Variants in CIZ1 observed in about 807,000 individuals in gnomAD.
CIZ1 encodes the protein CDKN1A interacting zinc finger protein 1, also known as cip1-interacting zinc finger protein.
CIZ1 carries 58 observed loss-of-function variants against 118.6 expected under a neutral mutation model. The observed-to-expected ratio is 0.49, with a 90% confidence interval of 0.40 to 0.61. The LOEUF (loss-of-function observed/expected upper bound fraction) is 0.61, where lower values mean the gene tolerates loss of function less well. Ranked by LOEUF, CIZ1 falls within the 20% of genes least tolerant of loss-of-function variation. The probability of loss-of-function intolerance (pLI) is 0.00; values close to 1 mark genes in which losing one functional copy is unlikely to be tolerated. For missense variants in CIZ1, 921 were observed against 1,115.9 expected (o/e 0.83, Z 2.49); for synonymous variants, 448 against 443.4 (o/e 1.01, Z -0.13).
At chr9:128,199,183 C>T (rs1368569273) in intron 1 of CIZ1, among the ~76,000 whole-genome samples, 2 of 152,054 alleles carry the variant, frequency 1.3e-5, no homozygotes, top group Non-Finnish European at 2.9e-5. Flanking sequence ...GCCTGGCCAA[C>T]ATGGTGAAAC....
Position 128,177,546 on chromosome 9 carries a change from C to CCAAAAAACAGGA in CIZ1, c.1818+19_1818+20insTCCTGTTTTTTG. The CCAAAAAACAGGA allele has an allele frequency of 1.5e-6, 2 of 1,353,452 alleles. No homozygotes were observed. Among genetic ancestry groups the CCAAAAAACAGGA allele is most frequent in the East Asian group, 2.6e-5 (1 of 37,800 alleles). The allele number at this position is 1,353,452 out of a possible 1,614,324, so 83.8% of individuals were successfully genotyped here. A position where few individuals can be genotyped will look rare whatever the true frequency, so the allele number is the denominator to read the frequency against. ...CACGCAGGCCCCACCCCTCCCCACC[C>CCAAAAAACAGGA]TTATCTCCTGTATCAGTACCTGCTG... On this transcript the variant is annotated intron_variant, in intron 10 of 16. Coordinates refer to ENST00000372938, the MANE Select transcript of CIZ1 (RefSeq NM_001131016.2).
chr9:128,196,547 C>CAAA (rs961649187), upstream of CIZ1, among the ~76,000 whole-genome samples: 1 of 96,966 alleles, frequency 1.0e-5, no homozygotes, highest in African/African-American at 3.9e-5. Context: ...GACCCTGTCT[C>CAAA]AAAAAAAAAA....
chr9:128,168,163 G>T (rs1829670182), intron 14 of CIZ1, among the ~76,000 whole-genome samples: 1 of 152,188 alleles, frequency 6.6e-6, no homozygotes, highest in African/African-American at 2.4e-5. Flanking sequence ...GCCCTCATGG[G>T]TCCCTGCTTC....
intron 3 of CIZ1, among the ~76,000 whole-genome samples, chr9:128,189,473 G>C (rs1345916531): frequency 6.6e-6 from 1 of 152,092 alleles, no homozygotes; most frequent in Non-Finnish European, 1.5e-5. Flanking sequence ...TTCTTCATTT[G>C]TAAAATGGGA....
chr9:128,176,801 G>C (rs1013567687), intron 10 of CIZ1, among the ~76,000 whole-genome samples: 1 of 152,134 alleles, frequency 6.6e-6, no homozygotes, highest in Non-Finnish European at 1.5e-5. Context: ...AGTACAATGC[G>C]ATCATGATTA....
Position 128,187,907 on chromosome 9 carries a change from G to A in CIZ1, c.314C>T (p.Ala105Val). 1 of 757,602 alleles carries A rather than the reference G, an allele frequency of 1.3e-6. No homozygotes were observed. The highest frequency in any genetic ancestry group is 2.5e-6 in the Non-Finnish European group (1 of 405,872). The allele number at this position is 757,602 out of a possible 1,614,324, so 46.9% of individuals were successfully genotyped here. ...GGTGAGACCGGCAGTGTCATACGTG[G>A]CTGGTGGCATTGCAAACTGGTCCAG... ...QGLDQFAMPP[A>V]TYDTAGLTMP... is the part of the protein sequence containing the mutation. Residue 105 changes from alanine (A) to valine (V), a missense_variant, in exon 4 of 17, where the codon GCC (alanine) becomes GTC (valine). Ala to Val is a moderately conservative substitution (Grantham distance 64). Coordinates refer to ENST00000372938, the MANE Select transcript of CIZ1 (RefSeq NM_001131016.2).
rs771006811 is a variant in CIZ1, at chr9:128,185,759, C to A, written c.376G>T (p.Gly126Cys). ...GCTGCGAGGCCTGGGGATGCCATGC[C>A]ATAGCCTCGGAGGTTACCTGCAGGC... Reference protein sequence around the residue: ...TATLGNLRGYGMASPGLAAPS... With the variant: ...TATLGNLRGYCMASPGLAAPS... The change falls in exon 5 of 17, where the codon GGC (glycine) becomes TGC (cysteine). Residue 126 changes from glycine (G) to cysteine (C), a missense_variant. Coordinates refer to ENST00000372938, the MANE Select transcript of CIZ1 (RefSeq NM_001131016.2). The A allele has an allele frequency of 2.5e-6, 4 of 1,613,466 alleles. No individual in the cohort carries two copies. The highest frequency in any genetic ancestry group is 3.4e-6 in the Non-Finnish European group (4 of 1,179,758).
At position 128,166,211 on chromosome 9, in the gene CIZ1, G is replaced by A. The variant is rs756099972; in HGVS notation, c.2683C>T (p.Arg895Cys). ...SQPPLPRRST[R>C]LKT is the part of the protein sequence containing the mutation. ...AGGTCCCTCTATCAGGTTTTGAGGC[G>A]GGTTGAGCGCCGAGGTAGTGGGGGC... The change falls in exon 17 of 17, where the codon CGC (arginine) becomes TGC (cysteine). Residue 895 changes from arginine (R) to cysteine (C), a missense_variant. Arg to Cys is a radical substitution (Grantham distance 180). Coordinates refer to ENST00000372938, the MANE Select transcript of CIZ1 (RefSeq NM_001131016.2). This position sits in a 1 kb window ranked among gnomAD's most constrained non-coding sequence, Gnocchi z 4.4. The A allele has an allele frequency of 7.4e-6, 11 of 1,487,536 alleles. No homozygotes were observed. Among genetic ancestry groups the A allele is most frequent in the Non-Finnish European group, 9.0e-6 (10 of 1,109,856 alleles). The allele number at this position is 1,487,536 out of a possible 1,614,324, so 92.1% of individuals were successfully genotyped here.
Position 128,185,601 on chromosome 9 carries a change from T to C in CIZ1, c.534A>G (p.Gly178=). The change falls in exon 5 of 17, where the codon GGA becomes GGG. Residue 178 remains glycine (G), a synonymous_variant. Coordinates refer to ENST00000372938, the MANE Select transcript of CIZ1 (RefSeq NM_001131016.2). ...TCCGGGCCTGTTTCTGGGGGTTCCGTCCTGAAAGGTTGAACTGGGAAGGGT... is the reference window on the plus strand; with the variant it reads ...TCCGGGCCTGTTTCTGGGGGTTCCGCCCTGAAAGGTTGAACTGGGAAGGGT... ...PMNPSQFNLS[G]RNPQKQARTS... is the part of the protein sequence containing the mutation. 2.6e-6 allele frequency: 4 copies of C among 1,540,344 alleles called. No homozygotes were observed. In the South Asian group the frequency reaches 3.8e-5, roughly 15 times the overall value.
At chr9:128,188,551 A>C (rs1588247212) in intron 3 of CIZ1, among the ~76,000 whole-genome samples, 2 of 152,146 alleles carry the variant, frequency 1.3e-5, no homozygotes, top group Non-Finnish European at 2.9e-5. Context: ...GGCCTCAAGC[A>C]AATCTCCTGT....
Position 128,178,831 on chromosome 9 carries a change from T to A in CIZ1, c.1376A>T (p.Glu459Val). The A allele has an allele frequency of 6.2e-7, 1 of 1,614,182 alleles. No individual in the cohort carries two copies. Among genetic ancestry groups the A allele is most frequent in the Non-Finnish European group, 8.5e-7 (1 of 1,180,026 alleles). The change falls in exon 8 of 17, where the codon GAG (glutamate) becomes GTG (valine). Residue 459 changes from glutamate to valine, a missense_variant. By Grantham distance (121) the Glu-to-Val change is moderately radical. Coordinates refer to ENST00000372938, the MANE Select transcript of CIZ1 (RefSeq NM_001131016.2). ...GGTGTGAGGCTGCTCATGGGTCTGC[T>A]CTGGTGGCTGTACTGACACCTGCGC... ...PPAQVSVQPP[E>V]QTHEQPHTQP...
At chr9:128,176,854 A>G (rs563386130) in intron 10 of CIZ1, among the ~76,000 whole-genome samples, 10 of 152,158 alleles carry the variant, frequency 6.6e-5, no homozygotes, top group South Asian at 2.1e-4. Flanking sequence ...CAGGACTCCA[A>G]TGTCACATTG....
chr9:128,170,377 T>C (rs778321392), intron 11 of CIZ1, among the ~76,000 whole-genome samples: 3 of 152,238 alleles, frequency 2.0e-5, no homozygotes, highest in Admixed American at 6.5e-5. Context: ...TAGTGTGATG[T>C]ACATCCTGAC....
intron 5 of CIZ1, among the ~76,000 whole-genome samples, chr9:128,181,764 C>CGGG (rs74186833): frequency 8.6e-6 from 1 of 116,486 alleles, no homozygotes; most frequent in Admixed American, 8.0e-5. Flanking sequence ...CCAGGAAAGG[C>CGGG]GGGGGGGGGG....
upstream of CIZ1, among the ~76,000 whole-genome samples, chr9:128,193,639 G>A (rs1329717279): frequency 6.6e-6 from 1 of 152,092 alleles, no homozygotes; most frequent in Non-Finnish European, 1.5e-5. Context: ...GCTTGAACCC[G>A]GGAGGCAGAG....
chr9:128,167,214 C>T (rs761070181), intron 14 of CIZ1, 50 bp from the exon 15 acceptor site: 4 of 1,426,956 alleles, frequency 2.8e-6, no homozygotes, highest in Non-Finnish European at 3.8e-6. Flanking sequence ...CTTGACACCT[C>T]CCAGACACAG....
At chr9:128,173,961 G>A (rs45555033) in intron 11 of CIZ1, among the ~76,000 whole-genome samples, 8 of 151,760 alleles carry the variant, frequency 5.3e-5, no homozygotes, top group Admixed American at 6.6e-5. Context: ...AGCCGAGATC[G>A]CGCCACTGCA....
At chr9:128,187,443 A>C (rs1564293028) in intron 4 of CIZ1, among the ~76,000 whole-genome samples, 2 of 152,220 alleles carry the variant, frequency 1.3e-5, no homozygotes. Flanking sequence ...AAGCTCTGTG[A>C]CCTTGAACAA....
chr9:128,176,318 C>T (rs376908265), intron 11 of CIZ1, 33 bp downstream of exon 11: 4 of 1,610,222 alleles, frequency 2.5e-6, no homozygotes, highest in Middle Eastern at 1.7e-4. Flanking sequence ...CTGCCTACCC[C>T]CCAACACAGA....
Sources: allele counts gnomAD v4.1 joint callset (sites outside exome capture counted in the v4.1 genomes callset), GRCh38; gene constraint gnomAD v4.1.1; non-coding constraint Gnocchi (gnomAD v3.1); transcripts MANE v1.5; gene names NCBI Gene and HGNC (gene_info 2026-07-23, HGNC 2026-07-21).